PREX2: variants seen among roughly 807,000 people sequenced by gnomAD.
PREX2 encodes phosphatidylinositol-3,4,5-trisphosphate dependent Rac exchange factor 2.
PREX2 carries 107 observed loss-of-function variants against 203.2 expected under a neutral mutation model. The ratio of observed to expected loss-of-function variants is 0.53; its 90% CI spans 0.45 to 0.62. PREX2 has a LOEUF of 0.62. PREX2 is among the 20% of genes least tolerant of loss of function. The pLI, the probability that PREX2 is intolerant of heterozygous loss-of-function variation, is 0.00. For missense variants in PREX2, 1,777 were observed against 1,955.9 expected (o/e 0.91, Z 1.72); for synonymous variants, 672 against 663.6 (o/e 1.01, Z -0.19).
intron 1 of PREX2, among the ~76,000 whole-genome samples, chr8:67,988,286 A>G (rs1195820382): frequency 6.6e-6 from 1 of 152,212 alleles, no homozygotes; most frequent in East Asian, 1.9e-4. Flanking sequence ...ACTGCACACC[A>G]CGGCTGAAGC....
intron 1 of PREX2, among the ~76,000 whole-genome samples, chr8:67,994,065 G>A (rs1210649896): frequency 3.9e-5 from 6 of 152,138 alleles, no homozygotes; most frequent in Admixed American, 6.5e-5. Context: ...AAATTCTGCA[G>A]GAATGATGCA....
intron 37 of PREX2, 85 bp downstream of exon 37, chr8:68,192,610 T>C (rs1262362626): frequency 1.9e-6 from 2 of 1,072,350 alleles, no homozygotes; most frequent in African/African-American, 3.2e-5. Flanking sequence ...CTTCACAAAA[T>C]TAAAACTGGA....
chr8:68,204,803 T>A (rs1271337397), intron 37 of PREX2, among the ~76,000 whole-genome samples: 1 of 143,708 alleles, frequency 7.0e-6, no homozygotes, highest in Non-Finnish European at 1.5e-5. Flanking sequence ...TGCCTCAGCC[T>A]CCCGAGTAGC....
chr8:67,958,442 G>A lies in PREX2; in HGVS notation c.141+5907G>A, dbSNP rs112795391. ...ACATTTAGGGGTCTGAAACAGTCTT[G>A]TAATTATACCCTATTATAATACCAA... On this transcript the variant is annotated intron_variant, in intron 1 of 39. Coordinates refer to ENST00000288368, the MANE Select transcript of PREX2 (RefSeq NM_024870.4). Among the ~76,000 whole-genome samples, 1,089 of 152,258 alleles carry A rather than the reference G, an allele frequency of 7.2e-3. 19 individuals carry two copies. The highest frequency in any genetic ancestry group is 0.024 in the African/African-American group (1,017 of 41,546).
At chr8:68,159,589 T>G (rs1811612363) in intron 35 of PREX2, among the ~76,000 whole-genome samples, 1 of 152,190 alleles carries the variant, frequency 6.6e-6, no homozygotes, top group Admixed American at 6.6e-5. Context: ...GTGACATTCT[T>G]TAGTTACCAT....
intron 35 of PREX2, among the ~76,000 whole-genome samples, chr8:68,160,341 A>T (rs1295304090): frequency 1.3e-5 from 2 of 152,158 alleles, no homozygotes; most frequent in Non-Finnish European, 2.9e-5. Flanking sequence ...CATCATAGTT[A>T]TATATACAAT....
intron 1 of PREX2, among the ~76,000 whole-genome samples, chr8:67,969,249 C>T (rs1336100563): frequency 6.6e-6 from 1 of 151,946 alleles, no homozygotes; most frequent in Non-Finnish European, 1.5e-5. Flanking sequence ...GAACCGGGGA[C>T]AAGGGTTAAC....
chr8:68,084,940 C>G (rs1034497548), intron 18 of PREX2, among the ~76,000 whole-genome samples: 14 of 152,152 alleles, frequency 9.2e-5, no homozygotes, highest in African/African-American at 3.1e-4. Flanking sequence ...AGGTCATCAA[C>G]TTCAAAACTG....
intron 1 of PREX2, among the ~76,000 whole-genome samples, chr8:67,982,764 T>C (rs1049313998): frequency 6.6e-6 from 1 of 152,172 alleles, no homozygotes; most frequent in African/African-American, 2.4e-5. Context: ...CTTTATAAAA[T>C]TTTTCTGACC....
chr8:68,200,949 AT>A (rs1226759021), intron 37 of PREX2, among the ~76,000 whole-genome samples: 2 of 152,178 alleles, frequency 1.3e-5, no homozygotes, highest in African/African-American at 4.8e-5. Flanking sequence ...TAATTTTACT[AT>A]TTGAGCATAT....
intron 1 of PREX2, among the ~76,000 whole-genome samples, chr8:67,958,305 A>C (rs576785334): frequency 6.6e-6 from 1 of 152,240 alleles, no homozygotes; most frequent in South Asian, 2.1e-4. Flanking sequence ...TTTTGGAAAG[A>C]GGTGATGATA....
intron 35 of PREX2, among the ~76,000 whole-genome samples, chr8:68,183,433 T>C (rs1417366904): frequency 6.6e-6 from 1 of 152,198 alleles, no homozygotes; most frequent in East Asian, 1.9e-4. Context: ...TTAATGTTTT[T>C]CCTAGGTATA....
intron 35 of PREX2, among the ~76,000 whole-genome samples, chr8:68,175,731 T>C (rs1271592233): frequency 2.0e-5 from 3 of 152,168 alleles, no homozygotes; most frequent in Admixed American, 6.5e-5. Flanking sequence ...GATTCATCTG[T>C]ATCAATTTTA....
At position 68,068,576 on chromosome 8, in the gene PREX2, G is replaced by A. The variant is rs138500241; in HGVS notation, c.1340-457G>A. Reference sequence around the variant, plus strand: ...GATCACAGTGTGATAAAACAGATACGTGGTAAAATTCATTTCCAAGACCGA... The same window carrying A: ...GATCACAGTGTGATAAAACAGATACATGGTAAAATTCATTTCCAAGACCGA... On this transcript the variant is annotated intron_variant, in intron 11 of 39. Transcript: ENST00000288368. Among the ~76,000 whole-genome samples, 466 of 152,148 alleles carry A rather than the reference G, an allele frequency of 3.1e-3. 5 individuals are homozygous for A. Among genetic ancestry groups the A allele is most frequent in the African/African-American group, 9.7e-3 (402 of 41,540 alleles).
intron 5 of PREX2, 52 bp downstream of exon 5, chr8:68,027,375 G>C (rs752573014): frequency 8.9e-7 from 1 of 1,120,372 alleles, no homozygotes; most frequent in East Asian, 2.4e-5. Context: ...TACATATTTT[G>C]CTGATGATCT....
chr8:68,179,105 ATG>A (rs1198013761), intron 35 of PREX2, among the ~76,000 whole-genome samples: 1 of 152,204 alleles, frequency 6.6e-6, no homozygotes, highest in African/African-American at 2.4e-5. Context: ...GTGCAACCGC[ATG>A]TGACTTGTTG....
At position 68,066,906 on chromosome 8, in the gene PREX2, G is replaced by A. The variant is rs139286031; in HGVS notation, c.1340-2127G>A. Among the ~76,000 whole-genome samples the A allele has an allele frequency of 2.2e-4, 33 of 152,104 alleles. 1 individual carries two copies. The highest frequency in any genetic ancestry group is 7.9e-4 in the African/African-American group (33 of 41,542). On this transcript the variant is annotated intron_variant, in intron 11 of 39. Transcript: ENST00000288368. ...AGTCTACTTGAGTTTATTTTTATAT[G>A]TGGTGTGAGATAAAGGGTCCCATTT...
chr8:68,208,651 T>C (rs1001227267), intron 37 of PREX2, among the ~76,000 whole-genome samples: 1 of 152,132 alleles, frequency 6.6e-6, no homozygotes, highest in Non-Finnish European at 1.5e-5. Context: ...AGCAGAATCA[T>C]TTACATTCTT....
Position 67,988,547 on chromosome 8 carries a change from C to G in PREX2, c.142-29299C>G, listed in dbSNP as rs534781055. ...CTGATGGAAGCTCAGGTCTACCTGACTCTTCTCTTTCATAATAGAACACTG... is the reference window on the plus strand; with the variant it reads ...CTGATGGAAGCTCAGGTCTACCTGAGTCTTCTCTTTCATAATAGAACACTG... On this transcript the variant is annotated intron_variant, in intron 1 of 39. Coordinates refer to ENST00000288368, the MANE Select transcript of PREX2 (RefSeq NM_024870.4). Among the ~76,000 whole-genome samples, 6 of 152,310 alleles carry G rather than the reference C, an allele frequency of 3.9e-5. No individual in the cohort carries two copies. The Middle Eastern group carries it at 0.014, about 345-fold the overall frequency.
Sources: allele counts gnomAD v4.1 joint callset (sites outside exome capture counted in the v4.1 genomes callset), GRCh38; gene constraint gnomAD v4.1.1; transcripts MANE v1.5; gene names NCBI Gene and HGNC (gene_info 2026-07-23, HGNC 2026-07-21).